Variants in MED13L observed in about 807,000 individuals in gnomAD.
The protein encoded by MED13L is mediator of RNA polymerase II transcription subunit 13-like.
MED13L carries 7 observed loss-of-function variants against 220.9 expected under a neutral mutation model. The observed-to-expected ratio is 0.03, with a 90% CI of 0.02 to 0.06. The LOEUF is 0.06. MED13L is among the 10% of genes least tolerant of loss of function. The pLI, the probability that MED13L is intolerant of heterozygous loss-of-function variation, is 1.00. For synonymous variants in MED13L, 1,011 were observed against 1,015.2 expected (o/e 1.00, Z 0.08); for missense variants, 1,965 against 2,760.5 (o/e 0.71, Z 6.46).
intron 1 of MED13L, among the ~76,000 whole-genome samples, chr12:116,272,520 C>T (rs999450103): frequency 6.6e-6 from 1 of 151,946 alleles, no homozygotes; most frequent in Non-Finnish European, 1.5e-5. Context: ...CAAGACTTCA[C>T]CAGCCTGGGT....
At chr12:115,985,163 A>G (rs1290463801) in intron 19 of MED13L, among the ~76,000 whole-genome samples, 5 of 151,758 alleles carry the variant, frequency 3.3e-5, no homozygotes, top group South Asian at 4.1e-4. Flanking sequence ...TACCCTCTTA[A>G]AAAGATCTGG....
At chr12:116,093,294 T>A (rs1364735701) in intron 4 of MED13L, among the ~76,000 whole-genome samples, 2 of 152,130 alleles carry the variant, frequency 1.3e-5, no homozygotes, top group African/African-American at 4.8e-5. Flanking sequence ...CTACTTATTC[T>A]TTTCCCAAGG....
chr12:116,011,234 T>C (rs942980533), intron 9 of MED13L, among the ~76,000 whole-genome samples: 97 of 152,078 alleles, frequency 6.4e-4, no homozygotes, highest in African/African-American at 2.2e-3. Flanking sequence ...TATGTGAAAG[T>C]CAGGTTGGGA....
intron 2 of MED13L, among the ~76,000 whole-genome samples, chr12:116,154,970 G>A (rs1252386005): frequency 2.0e-5 from 3 of 152,020 alleles, no homozygotes; most frequent in Non-Finnish European, 2.9e-5. Context: ...GGGACTTCAG[G>A]CACACAACAC....
At chr12:116,020,869 G>T (rs944412031) in intron 5 of MED13L, among the ~76,000 whole-genome samples, 2 of 152,032 alleles carry the variant, frequency 1.3e-5, no homozygotes, top group African/African-American at 4.8e-5. Flanking sequence ...TCATTAAACG[G>T]AATGTCTTTT....
chr12:116,185,617 A>G (rs59192659), intron 2 of MED13L, among the ~76,000 whole-genome samples: 1 of 152,118 alleles, frequency 6.6e-6, no homozygotes, highest in African/African-American at 2.4e-5. Context: ...GGCACATTTA[A>G]TTTCTTAGAA....
intron 2 of MED13L, among the ~76,000 whole-genome samples, chr12:116,235,914 T>C (rs921449461): frequency 6.6e-6 from 1 of 152,024 alleles, no homozygotes; most frequent in Non-Finnish European, 1.5e-5. Context: ...AAGAGATTAA[T>C]ACAGAGAAAC....
intron 2 of MED13L, among the ~76,000 whole-genome samples, chr12:116,236,259 C>T (rs563007901): frequency 1.6e-4 from 24 of 152,076 alleles, no homozygotes; most frequent in Non-Finnish European, 3.1e-4. Flanking sequence ...ACCAAATACC[C>T]TAAAAAATAT....
chr12:115,978,322 TTTTC>T (rs1163561027), intron 23 of MED13L, among the ~76,000 whole-genome samples: 5 of 150,940 alleles, frequency 3.3e-5, no homozygotes, highest in Admixed American at 2.6e-4. Context: ...GTACAATTTT[TTTTC>T]TTTTTTTTTT....
intron 2 of MED13L, among the ~76,000 whole-genome samples, chr12:116,218,383 A>G (rs1306172415): frequency 1.3e-5 from 2 of 152,200 alleles, no homozygotes; most frequent in African/African-American, 4.8e-5. Context: ...AACAACAGAC[A>G]CTCAAAGATT....
chr12:116,192,730 T>A lies in MED13L; in HGVS notation c.310+44738A>T, dbSNP rs540839984. Among the ~76,000 whole-genome samples, 3 of 152,304 alleles carry A rather than the reference T, an allele frequency of 2.0e-5. No individual in the cohort carries two copies. The East Asian group carries it at 5.8e-4, about 29-fold the overall frequency. ...CTGACCCTTATTTCTAATATTCCAA[T>A]AATCCCAGCACTTTGGGAGGCCAAA... On this transcript the variant is annotated intron_variant, in intron 2 of 30. Transcript: ENST00000281928.
intron 2 of MED13L, among the ~76,000 whole-genome samples, chr12:116,203,376 T>A (rs1483256436): frequency 1.3e-5 from 2 of 152,002 alleles, no homozygotes; most frequent in Admixed American, 6.5e-5. Flanking sequence ...AAACAGTAAC[T>A]TTTCTGAAGC....
intron 2 of MED13L, among the ~76,000 whole-genome samples, chr12:116,133,021 T>C (rs1053490776): frequency 6.6e-6 from 1 of 152,180 alleles, no homozygotes; most frequent in African/African-American, 2.4e-5. Flanking sequence ...AATTCCCTTG[T>C]TAGGAAAAAA....
chr12:116,128,844 T>A (rs184906865), intron 2 of MED13L, among the ~76,000 whole-genome samples: 2 of 152,184 alleles, frequency 1.3e-5, no homozygotes, highest in Non-Finnish European at 2.9e-5. Context: ...CCATGTTCCA[T>A]TCTATTAGGT....
intron 2 of MED13L, among the ~76,000 whole-genome samples, chr12:116,156,402 TA>T (rs11366103): frequency 0.31 from 36,890 of 119,200 alleles, 5,946 homozygotes; most frequent in East Asian, 0.51. Flanking sequence ...TCCAATTACT[TA>T]AAAAAAAAAA....
At chr12:116,114,260 T>C (rs1218788580) in intron 2 of MED13L, among the ~76,000 whole-genome samples, 1 of 152,164 alleles carries the variant, frequency 6.6e-6, no homozygotes, top group Non-Finnish European at 1.5e-5. Context: ...CAAAGGAAAG[T>C]TTACAAACAA....
intron 2 of MED13L, among the ~76,000 whole-genome samples, chr12:116,226,936 A>G (rs1869067018): frequency 6.7e-6 from 1 of 150,284 alleles, no homozygotes; most frequent in Non-Finnish European, 1.5e-5. Flanking sequence ...AAAAATATTT[A>G]CGTGTTATTT....
intron 4 of MED13L, among the ~76,000 whole-genome samples, chr12:116,057,131 T>C (rs1002417281): frequency 1.3e-4 from 20 of 152,262 alleles, no homozygotes; most frequent in African/African-American, 4.6e-4. Context: ...AGTAGAGTCA[T>C]TTAACAGAAA....
At chr12:116,133,362 T>A (rs577992037) in intron 2 of MED13L, among the ~76,000 whole-genome samples, 1 of 152,322 alleles carries the variant, frequency 6.6e-6, no homozygotes, top group East Asian at 1.9e-4. Context: ...ACTCTTAATG[T>A]TAAGAGGAGC....
Sources: allele counts gnomAD v4.1 joint callset (sites outside exome capture counted in the v4.1 genomes callset), GRCh38; gene constraint gnomAD v4.1.1; transcripts MANE v1.5; gene names NCBI Gene and HGNC (gene_info 2026-07-23, HGNC 2026-07-21).